The following SEC14L6 variants were observed in gnomAD, a reference collection of about 807,000 sequenced individuals.
The protein encoded by SEC14L6 is SEC14-like protein 6.
Under a neutral mutation model 54.1 loss-of-function variants are expected in SEC14L6, and 40 were observed. That is an observed-to-expected ratio of 0.74 (90% CI 0.57 to 0.96). The LOEUF (loss-of-function observed/expected upper bound fraction) is 0.96, where lower values mean the gene tolerates loss of function less well. Ranked by LOEUF, SEC14L6 falls within the 40% of genes least tolerant of loss-of-function variation. The probability of loss-of-function intolerance (pLI) is 0.00; values close to 1 mark genes in which losing one functional copy is unlikely to be tolerated. For missense variants in SEC14L6, 471 were observed against 498.3 expected (o/e 0.95, Z 0.52); for synonymous variants, 171 against 198.4 (o/e 0.86, Z 1.16).
intron 2 of SEC14L6, among the ~76,000 whole-genome samples, chr22:30,536,955 C>T (rs758810054): frequency 1.3e-4 from 16 of 127,576 alleles, no homozygotes; most frequent in Admixed American, 9.6e-4. Context: ...GCCCAGGAGG[C>T]GGAGGTTACA....
intron 6 of SEC14L6, among the ~76,000 whole-genome samples, chr22:30,529,925 T>TA (rs1434720977): frequency 6.6e-6 from 1 of 152,240 alleles, no homozygotes; most frequent in African/African-American, 2.4e-5. Flanking sequence ...TTTTTATTTT[T>TA]ATTTACTTAC....
At chr22:30,546,594 C>T (rs2085801168) in intron 1 of SEC14L6, 35 bp downstream of exon 1, 1 of 1,543,076 alleles carries the variant, frequency 6.5e-7, no homozygotes, top group Admixed American at 2.0e-5. Context: ...GAAGGAGAAA[C>T]TGAGGCTGGT....
intron 2 of SEC14L6, among the ~76,000 whole-genome samples, chr22:30,538,348 A>AAAAG (rs1568972612): frequency 1.4e-3 from 200 of 147,052 alleles, no homozygotes; most frequent in South Asian, 2.6e-3. Flanking sequence ...AAAAAAAAAA[A>AAAAG]AAAGAAAGAA....
Position 30,525,372 on chromosome 22 carries a change from G to A in SEC14L6, c.1059C>T (p.Leu353=). The A allele has an allele frequency of 1.9e-6, 3 of 1,614,200 alleles. No homozygotes were observed. The highest frequency in any genetic ancestry group is 1.7e-5 in the Admixed American group (1 of 60,024). The stretch of plus-strand genomic sequence containing the variant: ...TACAGCTGCCGGCCTGGAGGCAGGT[G>A]AGAATCCCATCTTCAGGCACCATGT... ...NAHMVPEDGI[L]TCLQAGSYVL... The change falls in exon 11 of 12, where the codon CTC becomes CTT. Residue 353 remains leucine, a synonymous_variant. Transcript: ENST00000402034.
rs973411276 is a variant in SEC14L6 at position 30,525,284 on chromosome 22, A to T, written c.1081+66T>A. The T allele has an allele frequency of 3.9e-6, 6 of 1,549,054 alleles. No individual in the cohort carries two copies. In the African/African-American group the frequency reaches 8.2e-5, roughly 21 times the overall value. ...AGGGCCCTCACCTGGTAGGACCTGG[A>T]TGCACATTGTAGCACCCTCCCCCTA... On this transcript the variant is annotated intron_variant, in intron 11 of 11. Coordinates refer to ENST00000402034, the MANE Select transcript of SEC14L6 (RefSeq NM_001193336.4).
In SEC14L6 at chr22:30,523,485, G is replaced by C. The variant is rs1936671081; in HGVS notation, c.*1512C>G. 1 of 152,184 alleles carries C rather than the reference G, an allele frequency of 6.6e-6. No homozygotes were observed. Among genetic ancestry groups the C allele is most frequent in the African/African-American group, 2.4e-5 (1 of 41,410 alleles). 9.4% of individuals were successfully genotyped at this position (152,184 alleles called of 1,614,324 possible). On this transcript the variant is annotated 3_prime_UTR_variant, in exon 12 of 12. Coordinates refer to ENST00000402034, the MANE Select transcript of SEC14L6 (RefSeq NM_001193336.4). ...TTCTCCCACCTCAGCCTCCCAAGTAGCTGGGACTGCAGGCACTCGCCGCCA... is the reference window on the plus strand; with the variant it reads ...TTCTCCCACCTCAGCCTCCCAAGTACCTGGGACTGCAGGCACTCGCCGCCA...
At chr22:30,532,402 C>A in intron 5 of SEC14L6, 123 bp downstream of exon 5, 1 of 1,300,564 alleles carries the variant, frequency 7.7e-7, no homozygotes, top group African/African-American at 1.5e-5. Context: ...AACCTGCATT[C>A]ACTCCACAGT....
In SEC14L6 at chr22:30,523,426, C is replaced by A. The variant is rs1158937684; in HGVS notation, c.*1571G>T. On this transcript the variant is annotated 3_prime_UTR_variant, in exon 12 of 12. Transcript: ENST00000402034. ...CTGGAGTGCAGTGGTGCAATCTCAA[C>A]TCACTGCAACCTCCGCCTCCTGGGT... 2 of 152,212 alleles carry A rather than the reference C, an allele frequency of 1.3e-5. No homozygotes were observed. The highest frequency in any genetic ancestry group is 3.8e-4 in the East Asian group (2 of 5,202). The allele number at this position is 152,212 out of a possible 1,614,324, so 9.4% of individuals were successfully genotyped here. A position where few individuals can be genotyped will look rare whatever the true frequency, so the allele number is the denominator to read the frequency against.
intron 6 of SEC14L6, among the ~76,000 whole-genome samples, chr22:30,530,740 T>C (rs1363705080): frequency 1.3e-5 from 2 of 152,248 alleles, no homozygotes; most frequent in Non-Finnish European, 2.9e-5. Context: ...TTTGCTGTCC[T>C]GGGTGAAACA....
intron 2 of SEC14L6, among the ~76,000 whole-genome samples, chr22:30,536,286 T>G (rs936533726): frequency 6.6e-6 from 1 of 152,216 alleles, no homozygotes; most frequent in African/African-American, 2.4e-5. Context: ...AATTCCTGTG[T>G]ACTCTGCAAT....
At chr22:30,537,794 CT>C (rs1257401103) in intron 2 of SEC14L6, among the ~76,000 whole-genome samples, 2 of 152,186 alleles carry the variant, frequency 1.3e-5, no homozygotes, top group Admixed American at 1.3e-4. Flanking sequence ...AGTACTGTAG[CT>C]TTGAAATGAT....
chr22:30,528,122 T>C (rs1936838812), intron 8 of SEC14L6, among the ~76,000 whole-genome samples: 1 of 145,960 alleles, frequency 6.9e-6, no homozygotes, highest in African/African-American at 2.5e-5. Context: ...TAGATTTCTT[T>C]TTTTTTTTTT....
At chr22:30,536,378 AC>A (rs748020965) in intron 2 of SEC14L6, among the ~76,000 whole-genome samples, 5 of 151,754 alleles carry the variant, frequency 3.3e-5, no homozygotes, top group Non-Finnish European at 7.4e-5. Flanking sequence ...CCTACCGCCC[AC>A]CCCCTACGAA....
chr22:30,542,757 T>C, intron 1 of SEC14L6: 1 of 1,587,004 alleles, frequency 6.3e-7, no homozygotes, highest in Non-Finnish European at 8.6e-7. Flanking sequence ...CCCTGAACCC[T>C]GTGGGGCCCA....
At chr22:30,535,230 C>T (rs1261276337) in intron 2 of SEC14L6, among the ~76,000 whole-genome samples, 2 of 152,144 alleles carry the variant, frequency 1.3e-5, no homozygotes, top group Admixed American at 6.5e-5. Context: ...GAGGTCCTAG[C>T]GGCCCCAGCA....
chr22:30,527,024 GGAGGTTGAGGCTAGAGTGAGCTAT>G (rs1201487220), intron 8 of SEC14L6, among the ~76,000 whole-genome samples: 1 of 152,126 alleles, frequency 6.6e-6, no homozygotes, highest in Admixed American at 6.5e-5. Context: ...CTAGAGCCCA[GGAGGTTGAGGCTAGAGTGAGCTAT>G]GATCATGCCA....
chr22:30,542,815 C>A (rs1258877534), intron 1 of SEC14L6: 1 of 1,595,074 alleles, frequency 6.3e-7, no homozygotes, highest in Non-Finnish European at 8.6e-7. Context: ...AATCTACCAT[C>A]AAAAAGAAGG....
intron 8 of SEC14L6, among the ~76,000 whole-genome samples, chr22:30,526,344 C>T (rs536231995): frequency 3.9e-5 from 6 of 152,340 alleles, no homozygotes; most frequent in African/African-American, 1.4e-4. Flanking sequence ...ATACTGCCCT[C>T]AGCTCCCAGG....
At chr22:30,544,650 G>A (rs1182702000) in intron 1 of SEC14L6, among the ~76,000 whole-genome samples, 1 of 152,168 alleles carries the variant, frequency 6.6e-6, no homozygotes, top group Non-Finnish European at 1.5e-5. Flanking sequence ...AAAGAGCCAT[G>A]AGTCCTGGAG....
Sources: gnomAD v4.1 joint callset for allele counts (sites outside exome capture counted in the v4.1 genomes callset) on GRCh38, gnomAD v4.1.1 for gene constraint, MANE v1.5 for transcripts, NCBI Gene and HGNC (gene_info 2026-07-23, HGNC 2026-07-21) for gene names.